The following ZNF385C variants were observed in gnomAD, a reference collection of about 807,000 sequenced individuals.
ZNF385C encodes zinc finger protein 385C, also known as CTD-2132N18.2.
A neutral mutation model predicts 35.4 loss-of-function variants in ZNF385C; 28 were observed. The ratio of observed to expected loss-of-function variants is 0.79; its 90% confidence interval spans 0.59 to 1.08. The LOEUF is 1.08. Among genes scored for constraint, ZNF385C ranks in the 50% least tolerant of loss-of-function variants. The pLI, the probability that ZNF385C is intolerant of heterozygous loss-of-function variation, is 0.00. For missense variants in ZNF385C, 605 were observed against 595.6 expected, an observed-to-expected ratio of 1.02 and a Z score of -0.16; for synonymous variants, 248 against 248.2, an observed-to-expected ratio of 1.00 and a Z score of 0.01.
intron 2 of ZNF385C, chr17:42,038,203 CTGACACACACACCACCA>C: frequency 1.4e-6 from 1 of 696,622 alleles, no homozygotes; most frequent in African/African-American, 1.8e-5. Context: ...TGGGCAGGCC[CTGACACACACACCACCA>C]TGGAGACTGC....
chr17:42,068,299 T>C (rs2053576667), intron 1 of ZNF385C, among the ~76,000 whole-genome samples: 1 of 152,148 alleles, frequency 6.6e-6, no homozygotes, highest in Non-Finnish European at 1.5e-5. Context: ...CAGGACCTAG[T>C]CCACATGCTG....
intron 1 of ZNF385C, among the ~76,000 whole-genome samples, chr17:42,080,794 C>T (rs1259627886): frequency 4.6e-5 from 7 of 152,198 alleles, no homozygotes; most frequent in African/African-American, 1.7e-4. Context: ...ATGTCCTGTG[C>T]CCCCCAGGCC....
At chr17:42,058,743 C>T (rs1301417660) in intron 2 of ZNF385C, among the ~76,000 whole-genome samples, 1 of 152,206 alleles carries the variant, frequency 6.6e-6, no homozygotes, top group African/African-American at 2.4e-5. Flanking sequence ...GCAACGTCTG[C>T]CTCCCGGGTT....
chr17:42,062,348 G>A (rs1459052737), intron 2 of ZNF385C: 1 of 155,542 alleles, frequency 6.4e-6, no homozygotes, highest in Admixed American at 6.5e-5. Flanking sequence ...GAGTCCAAAG[G>A]AAGAGGGGCC....
At chr17:42,051,017 A>C (rs557123501) in intron 2 of ZNF385C, among the ~76,000 whole-genome samples, 1 of 152,220 alleles carries the variant, frequency 6.6e-6, no homozygotes, top group South Asian at 2.1e-4. Flanking sequence ...AGGGCGGGTC[A>C]ATTAGGGTTC....
At chr17:42,066,301 G>T (rs527457212) in intron 1 of ZNF385C, among the ~76,000 whole-genome samples, 1 of 152,008 alleles carries the variant, frequency 6.6e-6, no homozygotes, top group South Asian at 2.1e-4. Flanking sequence ...TTCGTGATCC[G>T]CCCACCTCGG....
At chr17:42,055,623 C>A (rs2053362158) in intron 2 of ZNF385C, among the ~76,000 whole-genome samples, 1 of 152,144 alleles carries the variant, frequency 6.6e-6, no homozygotes, top group South Asian at 2.1e-4. Context: ...GAGGCCGTGA[C>A]TGGGGAGAAA....
chr17:42,028,724 G>A (rs2052656552), intron 6 of ZNF385C, 59 bp downstream of exon 6: 9 of 1,505,348 alleles, frequency 6.0e-6, no homozygotes, highest in Non-Finnish European at 8.0e-6. Flanking sequence ...GCCCTCATCT[G>A]GCGAGGCTTA....
intron 1 of ZNF385C, among the ~76,000 whole-genome samples, chr17:42,081,293 C>A (rs1255145152): frequency 6.6e-6 from 1 of 152,130 alleles, no homozygotes; most frequent in Non-Finnish European, 1.5e-5. Flanking sequence ...CCTGGCTGAC[C>A]TGAGGGATAG....
intron 3 of ZNF385C, among the ~76,000 whole-genome samples, 171 bp from the exon 4 acceptor site, chr17:42,034,506 G>C (rs147506674): frequency 1.1e-4 from 17 of 152,110 alleles, no homozygotes; most frequent in African/African-American, 4.1e-4. Context: ...TGGGCCAGGC[G>C]CGGTGGCTCA....
chr17:42,094,388 G>A (rs1251663639), intron 1 of ZNF385C, among the ~76,000 whole-genome samples: 1 of 152,224 alleles, frequency 6.6e-6, no homozygotes, highest in African/African-American at 2.4e-5. Context: ...CAGATATAGA[G>A]AGAGGTGAAG....
At chr17:42,053,300 G>T (rs915916119) in intron 2 of ZNF385C, among the ~76,000 whole-genome samples, 1 of 152,206 alleles carries the variant, frequency 6.6e-6, no homozygotes, top group Non-Finnish European at 1.5e-5. Flanking sequence ...GCAACCGTCT[G>T]TGTGGAGAGG....
intron 1 of ZNF385C, among the ~76,000 whole-genome samples, chr17:42,071,383 C>T (rs1212945812): frequency 2.0e-5 from 3 of 152,062 alleles, no homozygotes; most frequent in Non-Finnish European, 2.9e-5. Flanking sequence ...TGTCCCCCAC[C>T]GCCTCCCCTC....
intron 2 of ZNF385C, chr17:42,040,952 CGCCGAAAGCCT>C: frequency 8.1e-7 from 1 of 1,232,214 alleles, no homozygotes; most frequent in Non-Finnish European, 1.0e-6. Flanking sequence ...GGTGCAGATA[CGCCGAAAGCCT>C]GCAGGATGTC....
chr17:42,037,041 G>A (rs1555655546), intron 3 of ZNF385C, among the ~76,000 whole-genome samples: 1 of 152,070 alleles, frequency 6.6e-6, no homozygotes, highest in African/African-American at 2.4e-5. Context: ...GTACAGACTA[G>A]GACACACACA....
In ZNF385C at chr17:42,050,425, T is replaced by TG. The variant is rs2053256687; in HGVS notation, c.250+12381dup. On this transcript the variant is annotated intron_variant, in intron 2 of 8. Coordinates refer to ENST00000692273, the MANE Select transcript of ZNF385C (RefSeq NM_001392013.1). This position sits in a 1 kb window ranked among gnomAD's most constrained non-coding sequence, Gnocchi z 5.6. ...ACGGGGAGGGCTGAGGAACTTCCTCTGGGGGGCGCGCGGTGACAGAGCCCT... is the reference window on the plus strand; with the variant it reads ...ACGGGGAGGGCTGAGGAACTTCCTCTGGGGGGGCGCGCGGTGACAGAGCCCT... 3 of 151,956 alleles carry TG rather than the reference T, an allele frequency of 2.0e-5. No individual in the cohort carries two copies. Among genetic ancestry groups the TG allele is most frequent in the African/African-American group, 2.4e-5 (1 of 41,418 alleles). 9.4% of individuals were successfully genotyped at this position (151,956 alleles called of 1,614,324 possible). A position where few individuals can be genotyped will look rare whatever the true frequency, so the allele number is the denominator to read the frequency against.
chr17:42,082,094 G>T (rs1357426550), intron 1 of ZNF385C, among the ~76,000 whole-genome samples: 1 of 152,174 alleles, frequency 6.6e-6, no homozygotes, highest in African/African-American at 2.4e-5. Context: ...CTGCTCCTAG[G>T]CTTACCATGA....
At chr17:42,077,807 G>A (rs563633238) in intron 1 of ZNF385C, among the ~76,000 whole-genome samples, 1 of 152,232 alleles carries the variant, frequency 6.6e-6, no homozygotes, top group South Asian at 2.1e-4. Context: ...ACCCATCATG[G>A]GTTCTTTCTG....
In ZNF385C at chr17:42,077,808, G is replaced by T. The variant is rs115774985; in HGVS notation, c.-2-14750C>A. 2.7e-3 allele frequency among the ~76,000 whole-genome samples: 408 copies of T among 152,248 alleles called. 1 individual carries two copies. Among genetic ancestry groups the T allele is most frequent in the African/African-American group, 9.4e-3 (392 of 41,536 alleles). On this transcript the variant is annotated intron_variant, in intron 1 of 8. Coordinates refer to ENST00000692273, the MANE Select transcript of ZNF385C (RefSeq NM_001392013.1). ...GCCTGTCCCACCCCACCCATCATGG[G>T]TTCTTTCTGCCCCCACTGAAAGGGC...
Sources: allele counts gnomAD v4.1 joint callset (sites outside exome capture counted in the v4.1 genomes callset), GRCh38; gene constraint gnomAD v4.1.1; non-coding constraint Gnocchi (gnomAD v3.1); transcripts MANE v1.5; gene names NCBI Gene and HGNC (gene_info 2026-07-23, HGNC 2026-07-21).